The following DCAF6 variants were observed in gnomAD, a reference collection of about 807,000 sequenced individuals.
The protein encoded by DCAF6 is DDB1- and CUL4-associated factor 6.
Under a neutral mutation model 125.1 loss-of-function variants are expected in DCAF6, and 54 were observed. The ratio of observed to expected loss-of-function variants is 0.43; its 90% CI spans 0.35 to 0.54. The LOEUF (loss-of-function observed/expected upper bound fraction) is 0.54, where lower values mean the gene tolerates loss of function less well. DCAF6 is among the 20% of genes least tolerant of loss of function. The probability of loss-of-function intolerance (pLI) is 0.01; values close to 1 mark genes in which losing one functional copy is unlikely to be tolerated. For synonymous variants in DCAF6, 371 were observed against 390.4 expected (o/e 0.95, Z 0.58); for missense variants, 934 against 1,161.7 (o/e 0.80, Z 2.85).
the DCAF6 span, chr1:167,899,319 C>T: frequency 8.5e-7 from 1 of 1,173,618 alleles, no homozygotes; most frequent in Non-Finnish European, 1.3e-6. Context: ...TCCCAATCTC[C>T]AGCCCAGGAG....
At chr1:167,925,120 A>G in the DCAF6 span, among the ~76,000 whole-genome samples, 1 of 152,096 alleles carries the variant, frequency 6.6e-6, no homozygotes, top group African/African-American at 2.4e-5. Flanking sequence ...AATTTAACAT[A>G]GTCCTTGATA....
chr1:167,907,439 C>A, the DCAF6 span, among the ~76,000 whole-genome samples: 1 of 152,088 alleles, frequency 6.6e-6, no homozygotes, highest in African/African-American at 2.4e-5. Flanking sequence ...ACTTTGGGAC[C>A]CAAACTGGAA....
chr1:167,951,612 TATTCTAATGAGGA>T (rs1432488215), intron 1 of DCAF6, among the ~76,000 whole-genome samples, 175 bp from the exon 2 acceptor site: 1 of 152,012 alleles, frequency 6.6e-6, no homozygotes, highest in Non-Finnish European at 1.5e-5. Flanking sequence ...GAGGTAGAGG[TATTCTAATGAGGA>T]AACTAAGTCT....
At chr1:167,940,159 C>A (rs1672009743) in intron 1 of DCAF6, among the ~76,000 whole-genome samples, 1 of 152,156 alleles carries the variant, frequency 6.6e-6, no homozygotes, top group African/African-American at 2.4e-5. Flanking sequence ...AATTATACTT[C>A]AGAAAACTTC....
At chr1:167,918,712 G>GC in the DCAF6 span, among the ~76,000 whole-genome samples, 1 of 150,868 alleles carries the variant, frequency 6.6e-6, no homozygotes, top group African/African-American at 2.4e-5. Context: ...TCCTGCCTCA[G>GC]CCCCCCGAGT....
intron 2 of DCAF6, among the ~76,000 whole-genome samples, chr1:167,954,455 A>AT (rs1362881381): frequency 6.6e-6 from 1 of 150,488 alleles, no homozygotes; most frequent in Non-Finnish European, 1.5e-5. Flanking sequence ...TTATTTTTTT[A>AT]TTTTTTTATT....
the DCAF6 span, among the ~76,000 whole-genome samples, chr1:167,887,791 CACTT>C: frequency 6.9e-6 from 1 of 145,734 alleles, no homozygotes; most frequent in Non-Finnish European, 1.5e-5. Flanking sequence ...AAAAAAAAAA[CACTT>C]GATGTTATCC....
At chr1:167,891,260 C>T in the DCAF6 span, among the ~76,000 whole-genome samples, 2 of 151,900 alleles carry the variant, frequency 1.3e-5, no homozygotes, top group East Asian at 3.9e-4. Flanking sequence ...ACGCTTGGCT[C>T]ATCTAACATT....
At chr1:167,915,752 G>A in the DCAF6 span, among the ~76,000 whole-genome samples, 7 of 151,972 alleles carry the variant, frequency 4.6e-5, no homozygotes, top group African/African-American at 1.5e-4. Flanking sequence ...CGCCTGGCCC[G>A]TTTCCTGAAC....
intron 12 of DCAF6, among the ~76,000 whole-genome samples, chr1:168,029,503 G>A (rs940478425): frequency 2.0e-5 from 3 of 152,138 alleles, no homozygotes; most frequent in African/African-American, 7.2e-5. Context: ...GCATTGAGTT[G>A]ATTTATAATA....
chr1:167,998,720 A>G lies in DCAF6; in HGVS notation c.904-3762A>G, dbSNP rs79639536. 1,331 of 153,500 alleles carry G rather than the reference A, an allele frequency of 8.7e-3. 13 individuals are homozygous for G. Among genetic ancestry groups the G allele is most frequent in the East Asian group, 0.057 (291 of 5,094 alleles). 9.5% of individuals were successfully genotyped at this position (153,500 alleles called of 1,614,324 possible). On this transcript the variant is annotated intron_variant, in intron 7 of 21. Transcript: ENST00000367840. ...AAGAAACCACTTTCTTTGCTCATCC[A>G]TAAGGAGCAACTCCTTATCTGTTAG...
At chr1:168,014,918 A>G (rs1684756619) in intron 10 of DCAF6, among the ~76,000 whole-genome samples, 1 of 152,184 alleles carries the variant, frequency 6.6e-6, no homozygotes, top group Non-Finnish European at 1.5e-5. Context: ...TGTCATCATT[A>G]TTCACTATCC....
intron 4 of DCAF6, among the ~76,000 whole-genome samples, chr1:167,984,843 G>GTTTATT (rs1679716297): frequency 1.3e-5 from 2 of 152,236 alleles, no homozygotes; most frequent in East Asian, 1.9e-4. Context: ...ATTATGTATA[G>GTTTATT]TTCATTTTCA....
At chr1:168,017,752 TTAC>T (rs1418872843) in intron 11 of DCAF6, among the ~76,000 whole-genome samples, 1 of 152,148 alleles carries the variant, frequency 6.6e-6, no homozygotes, top group Non-Finnish European at 1.5e-5. Context: ...ATGATAGATG[TTAC>T]TACTATCTAC....
chr1:167,868,563 A>G, the DCAF6 span, among the ~76,000 whole-genome samples: 2 of 152,130 alleles, frequency 1.3e-5, no homozygotes, highest in East Asian at 3.8e-4. Flanking sequence ...GGGACTAGAC[A>G]GCCCCCCACT....
chr1:167,881,823 T>C, the DCAF6 span, among the ~76,000 whole-genome samples: 3 of 152,182 alleles, frequency 2.0e-5, no homozygotes, highest in Admixed American at 2.0e-4. Context: ...GACTGTTCTC[T>C]TAGATTCTAC....
intron 17 of DCAF6, among the ~76,000 whole-genome samples, chr1:168,056,755 C>CT (rs1452672970): frequency 6.6e-6 from 1 of 152,214 alleles, no homozygotes; most frequent in Admixed American, 6.5e-5. Flanking sequence ...TCCACACTTA[C>CT]TTTATCATAA....
At chr1:168,004,815 T>C in intron 10 of DCAF6, 22 bp downstream of exon 10, 6 of 1,600,932 alleles carry the variant, frequency 3.7e-6, no homozygotes, top group Non-Finnish European at 5.1e-6. Context: ...TATGCTGTGG[T>C]TCATCTAATG....
At chr1:167,995,696 A>G (rs1323269193) in intron 7 of DCAF6, among the ~76,000 whole-genome samples, 5 of 151,714 alleles carry the variant, frequency 3.3e-5, no homozygotes, top group African/African-American at 1.2e-4. Context: ...AAAAAAAAAA[A>G]GCTTATTATA....
Sources: gnomAD v4.1 joint callset for allele counts (sites outside exome capture counted in the v4.1 genomes callset) on GRCh38, gnomAD v4.1.1 for gene constraint, MANE v1.5 for transcripts, NCBI Gene and HGNC (gene_info 2026-07-23, HGNC 2026-07-21) for gene names.